Variants in VPS13B observed in about 807,000 individuals in gnomAD.
VPS13B encodes the protein vacuolar protein sorting 13 homolog B.
VPS13B carries 285 observed loss-of-function variants against 426.4 expected under a neutral mutation model. That is an observed-to-expected ratio of 0.67 (90% CI 0.61 to 0.74). The LOEUF is 0.74. Ranked by LOEUF, VPS13B falls within the 30% of genes least tolerant of loss-of-function variation. VPS13B has a pLI of 0.00. For missense variants in VPS13B, 4,537 were observed against 4,782.6 expected, an observed-to-expected ratio of 0.95 and a Z score of 1.51; for synonymous variants, 1,676 against 1,676.4, an observed-to-expected ratio of 1.00 and a Z score of 0.01.
At chr8:99,583,793 C>T (rs2280061) in intron 33 of VPS13B, among the ~76,000 whole-genome samples, 35,007 of 151,868 alleles carry the variant, frequency 0.23, 4,900 homozygotes, top group East Asian at 0.45. Context: ...AACCAAAATG[C>T]ATGTGGGTAA....
At chr8:99,693,327 C>T in intron 35 of VPS13B, among the ~76,000 whole-genome samples, 1 of 150,388 alleles carries the variant, frequency 6.6e-6, no homozygotes, top group South Asian at 2.1e-4. Flanking sequence ...TCCAGCAGCA[C>T]ATCAAAAAGC....
At chr8:99,336,125 T>C (rs1406530020) in intron 19 of VPS13B, among the ~76,000 whole-genome samples, 1 of 152,124 alleles carries the variant, frequency 6.6e-6, no homozygotes, top group African/African-American at 2.4e-5. Context: ...ACTACAAGGC[T>C]ACAGTAACCA....
chr8:99,568,817 G>GT lies in VPS13B; in HGVS notation c.4950-6829dup, dbSNP rs1208426365. Among the ~76,000 whole-genome samples the GT allele has an allele frequency of 4.5e-3, 619 of 136,910 alleles. 1 individual carries two copies. Among genetic ancestry groups the GT allele is most frequent in the East Asian group, 0.014 (65 of 4,702 alleles). 89.8% of individuals were successfully genotyped at this position (136,910 alleles called of 152,430 possible). On this transcript the variant is annotated intron_variant, in intron 31 of 61. Transcript: ENST00000357162. ...ACCACAAGTTTTTTTTTGTTTTTTTGTTTTTTTTTTTTGAGATGGAGTCTT... is the reference window on the plus strand; with the variant it reads ...ACCACAAGTTTTTTTTTGTTTTTTTGTTTTTTTTTTTTTGAGATGGAGTCTT...
Position 99,038,040 on chromosome 8 carries a change from T to C in VPS13B, c.148-383T>C, listed in dbSNP as rs954568725. ...ACTGCTGCTATATACTGTTGCACTATCATATATCAGCCTTCATCATGTACT... is the reference window on the plus strand; with the variant it reads ...ACTGCTGCTATATACTGTTGCACTACCATATATCAGCCTTCATCATGTACT... On this transcript the variant is annotated intron_variant, in intron 2 of 61. Coordinates refer to ENST00000357162, the MANE Select transcript of VPS13B (RefSeq NM_152564.5). Among the ~76,000 whole-genome samples, 3 of 152,098 alleles carry C rather than the reference T, an allele frequency of 2.0e-5. No individual in the cohort carries two copies. In the East Asian group the frequency reaches 5.8e-4, roughly 29 times the overall value.
chr8:99,461,928 G>T (rs897922955), intron 23 of VPS13B, among the ~76,000 whole-genome samples: 3 of 152,042 alleles, frequency 2.0e-5, no homozygotes, highest in Non-Finnish European at 4.4e-5. Context: ...CAATGAGTAC[G>T]TATTGCTCAG....
intron 15 of VPS13B, among the ~76,000 whole-genome samples, chr8:99,167,572 AT>A (rs1444603802): frequency 2.6e-5 from 4 of 152,010 alleles, no homozygotes; most frequent in Non-Finnish European, 5.9e-5. Flanking sequence ...ATTTATGATA[AT>A]TTTTGGCAAA....
At chr8:99,630,815 C>A (rs944285024) in intron 33 of VPS13B, among the ~76,000 whole-genome samples, 32 of 151,890 alleles carry the variant, frequency 2.1e-4, no homozygotes, top group African/African-American at 7.3e-4. Flanking sequence ...ATGGGAGAGA[C>A]CTGTGAAAGA....
At chr8:99,370,090 A>T (rs1371684087) in intron 19 of VPS13B, among the ~76,000 whole-genome samples, 1 of 152,166 alleles carries the variant, frequency 6.6e-6, no homozygotes. Flanking sequence ...TTAAAGACAG[A>T]TATAATAATA....
intron 21 of VPS13B, among the ~76,000 whole-genome samples, chr8:99,417,227 G>C (rs1816070136): frequency 2.0e-5 from 3 of 151,960 alleles, no homozygotes; most frequent in Admixed American, 6.6e-5. Flanking sequence ...ATTATATTTA[G>C]TTTCTCCCCG....
chr8:99,526,774 G>A (rs1248009871), intron 30 of VPS13B, among the ~76,000 whole-genome samples: 2 of 152,058 alleles, frequency 1.3e-5, no homozygotes, highest in Admixed American at 1.3e-4. Flanking sequence ...GGCTTAAGAG[G>A]GGTAATGATT....
chr8:99,235,856 A>G (rs542322639), intron 17 of VPS13B, among the ~76,000 whole-genome samples: 1 of 152,338 alleles, frequency 6.6e-6, no homozygotes, highest in Admixed American at 6.5e-5. Context: ...CATAAAACAA[A>G]AATTTGCTTT....
chr8:99,581,889 C>T (rs1286397201), intron 33 of VPS13B, among the ~76,000 whole-genome samples: 7 of 152,148 alleles, frequency 4.6e-5, no homozygotes, highest in African/African-American at 1.7e-4. Flanking sequence ...GTTCACCATC[C>T]CATTCTATAT....
chr8:99,148,679 T>G (rs1255514436), intron 14 of VPS13B, among the ~76,000 whole-genome samples: 1 of 152,204 alleles, frequency 6.6e-6, no homozygotes, highest in African/African-American at 2.4e-5. Flanking sequence ...TTTTAGCCAG[T>G]AAAACTGTCA....
At chr8:99,598,006 A>G (rs904961304) in intron 33 of VPS13B, among the ~76,000 whole-genome samples, 18 of 152,090 alleles carry the variant, frequency 1.2e-4, no homozygotes, top group African/African-American at 3.1e-4. Context: ...TGTATACAAC[A>G]TATACTTCAA....
Position 99,432,409 on chromosome 8 carries a change from G to C in VPS13B, c.3210+745G>C, listed in dbSNP as rs1817162605. Among the ~76,000 whole-genome samples the C allele has an allele frequency of 2.0e-5, 3 of 152,020 alleles. No homozygotes were observed. The South Asian group carries it at 6.2e-4, about 32-fold the overall frequency. Reference sequence around the variant, plus strand: ...CCTTACTATGAGAACAAGGTTTTGTGATCTGCAAAATTACAGCTATATTAA... The same window carrying C: ...CCTTACTATGAGAACAAGGTTTTGTCATCTGCAAAATTACAGCTATATTAA... On this transcript the variant is annotated intron_variant, in intron 22 of 61. Transcript: ENST00000357162.
chr8:99,186,735 G>A (rs1233678724), intron 16 of VPS13B, among the ~76,000 whole-genome samples: 2 of 152,092 alleles, frequency 1.3e-5, no homozygotes, highest in South Asian at 4.1e-4. Context: ...GACATATCCT[G>A]TGTGTATAAT....
chr8:99,549,331 G>T (rs925802704), intron 30 of VPS13B, among the ~76,000 whole-genome samples: 1 of 152,034 alleles, frequency 6.6e-6, no homozygotes, highest in Non-Finnish European at 1.5e-5. Flanking sequence ...TTTCTTTTTA[G>T]AATCCTAGTA....
At chr8:99,765,279 A>G (rs2130613929) in intron 39 of VPS13B, among the ~76,000 whole-genome samples, 1 of 152,356 alleles carries the variant, frequency 6.6e-6, no homozygotes, top group East Asian at 1.9e-4. Flanking sequence ...ATGCTTGTAC[A>G]GTACTCAGAC....
At chr8:99,852,929 A>G (rs1816367969) in intron 55 of VPS13B, among the ~76,000 whole-genome samples, 1 of 152,084 alleles carries the variant, frequency 6.6e-6, no homozygotes, top group Non-Finnish European at 1.5e-5. Flanking sequence ...GTGAGAGCAG[A>G]GTGACTTGGT....
Sources: gnomAD v4.1 joint callset for allele counts (sites outside exome capture counted in the v4.1 genomes callset) on GRCh38, gnomAD v4.1.1 for gene constraint, MANE v1.5 for transcripts, NCBI Gene and HGNC (gene_info 2026-07-23, HGNC 2026-07-21) for gene names.